The following RYR1 variants were observed in gnomAD, a reference collection of about 807,000 sequenced individuals.
RYR1 encodes the protein central core disease of muscle.
Under a neutral mutation model 583.5 loss-of-function variants are expected in RYR1, and 342 were observed. That is an observed-to-expected ratio of 0.59 (90% confidence interval 0.54 to 0.64). RYR1 has a LOEUF of 0.64. Among genes scored for constraint, RYR1 ranks in the 30% least tolerant of loss-of-function variants. RYR1 has a pLI of 0.00. For synonymous variants in RYR1, 2,791 were observed against 2,822.5 expected (o/e 0.99, Z 0.35); for missense variants, 6,032 against 6,917.2 (o/e 0.87, Z 4.54).
rs767463208 is a variant in RYR1 at position 38,453,032 on chromosome 19, G to A, written c.1440+18G>A. ...AGGAGGAGGTGAGGACGTGGCGAGG[G>A]CGGAGCGGGGCCTGTGGGCCCAGGG... On this transcript the variant is annotated intron_variant, in intron 13 of 105. Coordinates refer to ENST00000359596, the MANE Select transcript of RYR1 (RefSeq NM_000540.3). 1 of 1,612,278 alleles carries A rather than the reference G, an allele frequency of 6.2e-7. No homozygotes were observed. Among genetic ancestry groups the A allele is most frequent in the Non-Finnish European group, 8.5e-7 (1 of 1,179,220 alleles).
chr19:38,439,774 T>C (rs2145316383), intron 1 of RYR1, among the ~76,000 whole-genome samples: 1 of 152,332 alleles, frequency 6.6e-6, no homozygotes, highest in East Asian at 1.9e-4. Flanking sequence ...CCCAGAGTGC[T>C]GGGATTATAG....
chr19:38,550,310 G>A (rs1414496261), intron 89 of RYR1, among the ~76,000 whole-genome samples: 2 of 152,044 alleles, frequency 1.3e-5, no homozygotes, highest in Admixed American at 6.6e-5. Context: ...CTGTGCCTGG[G>A]TCTGTCTTTA....
rs1194633422 is a variant in RYR1, at chr19:38,444,433, G to A, written c.538-151G>A. On this transcript the variant is annotated intron_variant, in intron 6 of 105. Coordinates refer to ENST00000359596, the MANE Select transcript of RYR1 (RefSeq NM_000540.3). The surrounding 1 kb of genome is among the most constrained non-coding windows in gnomAD (Gnocchi z 5.1). ...TCTGATTTCTGACCTCCCATTGCCC[G>A]ACTTGATCATTTCCTGATCTGTGAT... 2.9e-5 allele frequency: 25 copies of A among 848,478 alleles called. No homozygotes were observed. Among genetic ancestry groups the A allele is most frequent in the East Asian group, 2.9e-4 (11 of 37,674 alleles). 52.6% of individuals were successfully genotyped at this position (848,478 alleles called of 1,614,324 possible).
At position 38,473,850 on chromosome 19, in the gene RYR1, A is replaced by AC. The variant is rs1968571484; in HGVS notation, c.4160+84dup. ...GTAGGCAACCACAGTAACCTGAGAA[A>AC]CCCCCATTGTACCCCAAAGTAGACC... On this transcript the variant is annotated intron_variant, in intron 28 of 105. Transcript: ENST00000359596. 9 of 1,088,034 alleles carry AC rather than the reference A, an allele frequency of 8.3e-6. No homozygotes were observed. In the East Asian group the frequency reaches 2.1e-4, roughly 25 times the overall value. 67.4% of individuals were successfully genotyped at this position (1,088,034 alleles called of 1,614,324 possible).
Position 38,504,765 on chromosome 19 carries a change from G to C in RYR1, c.8085G>C (p.Leu2695=), listed in dbSNP as rs139673296. ...SLAHKKYDPE[L]YRMAMPCLCA... is the part of the protein sequence containing the mutation. ...TTTCCCAGAAATACGACCCGGAGCT[G>C]TACCGCATGGCCATGCCTTGTCTGT... is the stretch of plus-strand genomic sequence containing the variant. The change falls in exon 51 of 106, where the codon CTG becomes CTC. Residue 2695 remains leucine, a synonymous_variant. Coordinates refer to ENST00000359596, the MANE Select transcript of RYR1 (RefSeq NM_000540.3). 5.0e-6 allele frequency: 8 copies of C among 1,614,024 alleles called. No individual in the cohort carries two copies. Among genetic ancestry groups the C allele is most frequent in the Non-Finnish European group, 6.8e-6 (8 of 1,180,042 alleles).
At chr19:38,583,266 C>T (rs530080892) in intron 101 of RYR1, among the ~76,000 whole-genome samples, 9 of 146,882 alleles carry the variant, frequency 6.1e-5, no homozygotes, top group Non-Finnish European at 1.0e-4. Flanking sequence ...CATTGCACTC[C>T]AGCCTGGGCA....
In RYR1 at chr19:38,463,306, T is replaced by A. The variant is rs1967885999; in HGVS notation, c.2578-117T>A. On this transcript the variant is annotated intron_variant, in intron 20 of 105. Transcript: ENST00000359596. ...GATGGGGAGCAGGGCTGCTGGATGGTGGGAAAGGGGGTGCTGGAGGAGCCT... is the reference window on the plus strand; with the variant it reads ...GATGGGGAGCAGGGCTGCTGGATGGAGGGAAAGGGGGTGCTGGAGGAGCCT... 3 of 794,988 alleles carry A rather than the reference T, an allele frequency of 3.8e-6. No homozygotes were observed. In the East Asian group the frequency reaches 8.1e-5, roughly 21 times the overall value. 49.2% of individuals were successfully genotyped at this position (794,988 alleles called of 1,614,324 possible).
intron 13 of RYR1, among the ~76,000 whole-genome samples, chr19:38,454,795 A>AAAAAAG (rs1967276362): frequency 6.6e-6 from 1 of 151,314 alleles, no homozygotes; most frequent in Admixed American, 6.6e-5. Context: ...ATGTAAAAAA[A>AAAAAAG]AAAAGAAAAG....
At chr19:38,537,837 G>T in intron 83 of RYR1, 43 bp from the exon 84 acceptor site, 1 of 1,569,630 alleles carries the variant, frequency 6.4e-7, no homozygotes, top group South Asian at 1.1e-5. Context: ...GTGTCTTGGC[G>T]CATCTGACCC....
chr19:38,486,176 G>T lies in RYR1; in HGVS notation c.5521G>T (p.Val1841Leu). The change falls in exon 34 of 106, where the codon GTG becomes TTG. Residue 1841 changes from valine to leucine, a missense_variant. Physicochemically the swap from Val to Leu is conservative, Grantham distance 32. This residue lies in a region of RYR1 where 2,627 missense variants were observed against 2,961.3 expected (regional missense o/e 0.89). Transcript: ENST00000359596. ...CTCCGTGGAGTTCCAGTTTGTGCCT[G>T]TGCTCAAGCTCGTGTCCACCCTGCT... ...GGSVEFQFVP[V>L]LKLVSTLLVM... The T allele has an allele frequency of 6.2e-7, 1 of 1,612,940 alleles. No individual in the cohort carries two copies. Among genetic ancestry groups the T allele is most frequent in the Non-Finnish European group, 8.5e-7 (1 of 1,179,930 alleles).
At chr19:38,454,196 C>T (rs778790423) in intron 13 of RYR1, among the ~76,000 whole-genome samples, 11 of 152,132 alleles carry the variant, frequency 7.2e-5, no homozygotes, top group Non-Finnish European at 1.2e-4. Flanking sequence ...TGAGCCACCA[C>T]GCCTGGCTAA....
Position 38,512,438 on chromosome 19 carries a change from C to A in RYR1, c.9427C>A (p.Leu3143Ile). ...TVALLPVLTTLFQHIAQHQFG... is the reference protein window; with the variant it reads ...TVALLPVLTTIFQHIAQHQFG... ...GGCACTGCTGCCGGTCCTCACCACC[C>A]TCTTCCAGCACATCGCCCAGCACCA... Residue 3143 changes from leucine to isoleucine, a missense_variant, in exon 63 of 106, where the codon CTC (leucine) becomes ATC (isoleucine). Around this residue, in one of 11 missense-constraint regions of RYR1, gnomAD observed 1,493 missense variants for 1,715.5 expected, o/e 0.87. Coordinates refer to ENST00000359596, the MANE Select transcript of RYR1 (RefSeq NM_000540.3). The surrounding 1 kb of genome is among the most constrained non-coding windows in gnomAD (Gnocchi z 5.1). 1 of 1,613,660 alleles carries A rather than the reference C, an allele frequency of 6.2e-7. No individual in the cohort carries two copies. Among genetic ancestry groups the A allele is most frequent in the Non-Finnish European group, 8.5e-7 (1 of 1,180,032 alleles).
intron 89 of RYR1, among the ~76,000 whole-genome samples, chr19:38,560,624 G>A (rs1309360709): frequency 1.3e-5 from 2 of 150,016 alleles, no homozygotes; most frequent in African/African-American, 4.9e-5. Flanking sequence ...AGCTGCTCAG[G>A]AGGCTGAGGC....
intron 89 of RYR1, among the ~76,000 whole-genome samples, chr19:38,552,527 A>AGGC (rs1972708359): frequency 6.6e-6 from 1 of 152,278 alleles, no homozygotes; most frequent in East Asian, 1.9e-4. Context: ...CTGGGATTAC[A>AGGC]GGCGTGAGCC....
At position 38,449,457 on chromosome 19, in the gene RYR1, G is replaced by A. The variant is rs147987017; in HGVS notation, c.1122+644G>A. 2.3e-3 allele frequency among the ~76,000 whole-genome samples: 344 copies of A among 152,276 alleles called. 2 individuals carry two copies. The highest frequency in any genetic ancestry group is 6.3e-3 in the African/African-American group (260 of 41,562). On this transcript the variant is annotated intron_variant, in intron 11 of 105. Coordinates refer to ENST00000359596, the MANE Select transcript of RYR1 (RefSeq NM_000540.3). Reference sequence around the variant, plus strand: ...GCCTGGCTGACAAGAGTGAAACTCCGTCTCAGAAAAACAAAAACAAAACAA... The same window carrying A: ...GCCTGGCTGACAAGAGTGAAACTCCATCTCAGAAAAACAAAAACAAAACAA...
chr19:38,448,529 C>T lies in RYR1; in HGVS notation c.957+18C>T, dbSNP rs1450340968. The T allele has an allele frequency of 5.0e-6, 8 of 1,612,254 alleles. No individual in the cohort carries two copies. Among genetic ancestry groups the T allele is most frequent in the East Asian group, 2.2e-5 (1 of 44,870 alleles). On this transcript the variant is annotated intron_variant, in intron 10 of 105. Transcript: ENST00000359596. The stretch of plus-strand genomic sequence containing the variant: ...TCTCCAAGGTCAGTGGGGTTTGTGG[C>T]GCCCTCCCTCACCTGAAGCCCCCAG...
rs201725585 is a variant in RYR1 at position 38,455,967 on chromosome 19, G to GTT, written c.1791+237_1791+238dup. Among the ~76,000 whole-genome samples the GTT allele has an allele frequency of 0.051, 5,483 of 108,194 alleles. 275 individuals carry two copies. Among genetic ancestry groups the GTT allele is most frequent in the African/African-American group, 0.091 (2,391 of 26,144 alleles). 71.0% of individuals were successfully genotyped at this position (108,194 alleles called of 152,430 possible). ...ATGTGCTTGGTTAGATCTCTGAAATGTTTTTTTTTTTTTTTTTTTTTTGAG... is the reference window on the plus strand; with the variant it reads ...ATGTGCTTGGTTAGATCTCTGAAATGTTTTTTTTTTTTTTTTTTTTTTTTGAG... On this transcript the variant is annotated intron_variant, in intron 16 of 105. Transcript: ENST00000359596.
At chr19:38,508,814 G>A (rs973902777) in intron 58 of RYR1, among the ~76,000 whole-genome samples, 1 of 152,150 alleles carries the variant, frequency 6.6e-6, no homozygotes, top group Non-Finnish European at 1.5e-5. Flanking sequence ...TACCTGGAAT[G>A]AGATGGAGTT....
rs1969805643 is a variant in RYR1, at chr19:38,496,059, G to A, written c.6549-156G>A. Among the ~76,000 whole-genome samples the A allele has an allele frequency of 6.6e-6, 1 of 152,126 alleles. No homozygotes were observed. The highest frequency in any genetic ancestry group is 2.1e-4 in the South Asian group (1 of 4,826). ...ATTACACGCATGAGCCACCGCACCCGGCCAGCTGTAGGAATTGAGTGAGTT... is the reference window on the plus strand; with the variant it reads ...ATTACACGCATGAGCCACCGCACCCAGCCAGCTGTAGGAATTGAGTGAGTT... On this transcript the variant is annotated intron_variant, in intron 39 of 105. Transcript: ENST00000359596. The surrounding 1 kb of genome is among the most constrained non-coding windows in gnomAD (Gnocchi z 4.8).
Sources: allele counts gnomAD v4.1 joint callset (sites outside exome capture counted in the v4.1 genomes callset), GRCh38; gene constraint gnomAD v4.1.1; regional missense constraint gnomAD v4.1.1; non-coding constraint Gnocchi (gnomAD v3.1); transcripts MANE v1.5; gene names NCBI Gene and HGNC (gene_info 2026-07-23, HGNC 2026-07-21).